PADI4: variants seen among roughly 807,000 people sequenced by gnomAD.
PADI4 encodes the protein protein-arginine deiminase type-4.
A neutral mutation model predicts 75.0 loss-of-function variants in PADI4; 62 were observed. That is an observed-to-expected ratio of 0.83 (90% CI 0.67 to 1.02). PADI4 has a LOEUF of 1.02. Ranked by LOEUF, PADI4 falls within the 50% of genes least tolerant of loss-of-function variation. PADI4 has a pLI of 0.00. For synonymous variants in PADI4, 361 were observed against 348.1 expected (o/e 1.04, Z -0.41); for missense variants, 845 against 850.5 (o/e 0.99, Z 0.08).
intron 4 of PADI4, among the ~76,000 whole-genome samples, chr1:17,337,198 G>C (rs1328574474): frequency 6.6e-6 from 1 of 152,120 alleles, no homozygotes; most frequent in Non-Finnish European, 1.5e-5. Flanking sequence ...CTGTCTCCCA[G>C]GCTGGAGTGC....
chr1:17,334,307 A>AT (rs34965359), intron 3 of PADI4: 38,523 of 332,748 alleles, frequency 0.12, 533 homozygotes, highest in Non-Finnish European at 0.14. Context: ...ATCTCCATTA[A>AT]TTTTTTTTTT....
chr1:17,335,820 C>T (rs1057268873), intron 3 of PADI4, among the ~76,000 whole-genome samples: 9 of 152,244 alleles, frequency 5.9e-5, no homozygotes, highest in Non-Finnish European at 1.3e-4. Context: ...GCAGAGGCTT[C>T]ACATCGAACC....
intron 14 of PADI4, 74 bp from the exon 15 acceptor site, chr1:17,359,206 G>GC: frequency 9.4e-7 from 1 of 1,069,284 alleles, no homozygotes; most frequent in East Asian, 2.5e-5. Context: ...GGGGGCCTCA[G>GC]CCCCACACTG....
rs572602428 is a variant in PADI4, at chr1:17,351,953, G to A, written c.1156-2580G>A. Among the ~76,000 whole-genome samples the A allele has an allele frequency of 3.6e-3, 411 of 113,414 alleles. 4 individuals are homozygous for A. The highest frequency in any genetic ancestry group is 0.014 in the African/African-American group (384 of 28,432). 74.4% of individuals were successfully genotyped at this position (113,414 alleles called of 152,430 possible). On this transcript the variant is annotated intron_variant, in intron 10 of 15. Coordinates refer to ENST00000375448, the MANE Select transcript of PADI4 (RefSeq NM_012387.3). ...GGCGGTCAGGGAGGTGATGGGAGGT[G>A]GGAGGAGAGGCGGCCAGGGAGGTGA...
chr1:17,340,948 G>A (rs915325418), intron 6 of PADI4, among the ~76,000 whole-genome samples: 1 of 147,150 alleles, frequency 6.8e-6, no homozygotes, highest in African/African-American at 2.5e-5. Context: ...TTACAAGCAT[G>A]TGCCACCACA....
intron 1 of PADI4, among the ~76,000 whole-genome samples, chr1:17,315,172 C>G (rs999658828): frequency 3.3e-5 from 5 of 152,138 alleles, no homozygotes; most frequent in African/African-American, 1.2e-4. Context: ...CAAGGGAACC[C>G]CAGATTTTCC....
At chr1:17,318,749 G>C (rs1280496979) in intron 1 of PADI4, among the ~76,000 whole-genome samples, 1 of 149,122 alleles carries the variant, frequency 6.7e-6, no homozygotes, top group Non-Finnish European at 1.5e-5. Flanking sequence ...GCAGTGGCGC[G>C]ATCTTGGCTC....
chr1:17,356,488 C>A lies in PADI4; in HGVS notation c.1558+29C>A. ...AGTCGGCCCTGCCTTGTTCTCCTGT[C>A]TGTGCACCTTCCTGCTTCCCATAGT... On this transcript the variant is annotated intron_variant, in intron 13 of 15. Coordinates refer to ENST00000375448, the MANE Select transcript of PADI4 (RefSeq NM_012387.3). The surrounding 1 kb of genome is among the most constrained non-coding windows in gnomAD (Gnocchi z 4.1). 1 of 1,315,376 alleles carries A rather than the reference C, an allele frequency of 7.6e-7. No individual in the cohort carries two copies. The highest frequency in any genetic ancestry group is 1.1e-6 in the Non-Finnish European group (1 of 914,778). 81.5% of individuals were successfully genotyped at this position (1,315,376 alleles called of 1,614,324 possible).
At chr1:17,348,979 A>G (rs2074571502) in intron 10 of PADI4, among the ~76,000 whole-genome samples, 1 of 152,188 alleles carries the variant, frequency 6.6e-6, no homozygotes, top group Non-Finnish European at 1.5e-5. Flanking sequence ...GGGAGGGGAG[A>G]GTGGCCCTGC....
At chr1:17,312,391 C>T (rs908525278) in intron 1 of PADI4, among the ~76,000 whole-genome samples, 20 of 137,026 alleles carry the variant, frequency 1.5e-4, no homozygotes, top group African/African-American at 4.7e-4. Context: ...ACCCAGGAGG[C>T]GGAGGTTGCA....
rs763037085 is a variant in PADI4, at chr1:17,334,005, G to T, written c.336G>T (p.Gly112=). ...TCAAAGCTCTACTCTACCTCACCGG[G>T]GTGGGTAAGTGACAACCAGGATCCT... ...PPVKALLYLT[G]VEISLCADIT... Residue 112 remains glycine, a synonymous_variant, in exon 3 of 16, where the codon GGG becomes GGT. Transcript: ENST00000375448. 4 of 1,604,710 alleles carry T rather than the reference G, an allele frequency of 2.5e-6. No homozygotes were observed. Among genetic ancestry groups the T allele is most frequent in the Non-Finnish European group, 3.4e-6 (4 of 1,171,552 alleles).
intron 8 of PADI4, among the ~76,000 whole-genome samples, chr1:17,343,195 T>TA (rs2074454634): frequency 6.6e-6 from 1 of 151,828 alleles, no homozygotes; most frequent in Admixed American, 6.6e-5. Flanking sequence ...TTGAGAAAAT[T>TA]AAAAATAATA....
intron 2 of PADI4, among the ~76,000 whole-genome samples, chr1:17,333,011 G>A (rs1373943199): frequency 6.6e-6 from 1 of 152,154 alleles, no homozygotes; most frequent in Non-Finnish European, 1.5e-5. Context: ...TGGAACAGGA[G>A]GTGAAGGAGT....
At position 17,324,155 on chromosome 1, in the gene PADI4, G is replaced by GT. The variant is rs1176338034; in HGVS notation, c.93-6801dup. Among the ~76,000 whole-genome samples, 32 of 126,838 alleles carry GT rather than the reference G, an allele frequency of 2.5e-4. 1 individual carries two copies. Among genetic ancestry groups the GT allele is most frequent in the African/African-American group, 6.6e-4 (20 of 30,482 alleles). The allele number at this position is 126,838 out of a possible 152,430, so 83.2% of individuals were successfully genotyped here. ...AATAACACCAAGTTGGGTTTTTTTTGTTTTTTTTTTTTTGCAAAATGGTTA... is the reference window on the plus strand; with the variant it reads ...AATAACACCAAGTTGGGTTTTTTTTGTTTTTTTTTTTTTTGCAAAATGGTTA... On this transcript the variant is annotated intron_variant, in intron 1 of 15. Transcript: ENST00000375448.
rs2074753688 is a variant in PADI4, at chr1:17,356,045, C to T, written c.1373C>T (p.Ala458Val). The T allele has an allele frequency of 3.1e-6, 5 of 1,614,064 alleles. No homozygotes were observed. Among genetic ancestry groups the T allele is most frequent in the East Asian group, 2.2e-5 (1 of 44,870 alleles). ...QDFLSAQQVQ[A>V]PVKLYSDWLS... is the part of the protein sequence containing the mutation. ...TTCCTCAGTGCCCAGCAGGTGCAGG[C>T]CCCTGTGAAGCTCTATTCTGACTGG... The change falls in exon 12 of 16, where the codon GCC (alanine) becomes GTC (valine). Residue 458 changes from alanine (A) to valine (V), a missense_variant. Physicochemically the swap from Ala to Val is moderately conservative, Grantham distance 64. Transcript: ENST00000375448. The surrounding 1 kb of genome is among the most constrained non-coding windows in gnomAD (Gnocchi z 4.1).
chr1:17,339,246 A>G (rs1056629692), intron 5 of PADI4, among the ~76,000 whole-genome samples: 1 of 152,110 alleles, frequency 6.6e-6, no homozygotes, highest in East Asian at 1.9e-4. Context: ...CTTCTTGGCT[A>G]TTGTTCAAGT....
chr1:17,351,689 A>C (rs911120214), intron 10 of PADI4, among the ~76,000 whole-genome samples: 1 of 151,476 alleles, frequency 6.6e-6, no homozygotes, highest in Non-Finnish European at 1.5e-5. Flanking sequence ...CTGACCTTGC[A>C]GCAGATGCTT....
At chr1:17,336,698 G>A (rs1481700318) in intron 4 of PADI4, among the ~76,000 whole-genome samples, 1 of 152,198 alleles carries the variant, frequency 6.6e-6, no homozygotes, top group African/African-American at 2.4e-5. Flanking sequence ...GTGCAGAAAG[G>A]GCAGGTGAAC....
intron 1 of PADI4, among the ~76,000 whole-genome samples, chr1:17,324,196 A>AAGC (rs1460083713): frequency 2.8e-5 from 4 of 141,910 alleles, no homozygotes; most frequent in African/African-American, 1.1e-4. Context: ...ACACTCCAGT[A>AAGC]AGCAGTGTGT....
Sources: gnomAD v4.1 joint callset for allele counts (sites outside exome capture counted in the v4.1 genomes callset) on GRCh38, gnomAD v4.1.1 for gene constraint, Gnocchi (gnomAD v3.1) non-coding constraint, MANE v1.5 for transcripts, NCBI Gene and HGNC (gene_info 2026-07-23, HGNC 2026-07-21) for gene names.